The following MAP3K5 variants were observed in gnomAD, a reference collection of about 807,000 sequenced individuals.
The protein encoded by MAP3K5 is ASK-1.
Under a neutral mutation model 158.7 loss-of-function variants are expected in MAP3K5, and 56 were observed. The ratio of observed to expected loss-of-function variants is 0.35; its 90% CI spans 0.28 to 0.44. The LOEUF is 0.44. Among genes scored for constraint, MAP3K5 ranks in the 20% least tolerant of loss-of-function variants. MAP3K5 has a pLI of 1.00. For synonymous variants in MAP3K5, 579 were observed against 601.7 expected (o/e 0.96, Z 0.55); for missense variants, 1,294 against 1,674.8 (o/e 0.77, Z 3.97).
At chr6:136,746,080 T>C (rs1031365510) in intron 1 of MAP3K5, among the ~76,000 whole-genome samples, 1 of 152,166 alleles carries the variant, frequency 6.6e-6, no homozygotes, top group Admixed American at 6.5e-5. Context: ...ATGTTTGAAC[T>C]AGGATGGTGG....
At chr6:136,731,667 G>A (rs1475380229) in intron 1 of MAP3K5, among the ~76,000 whole-genome samples, 1 of 152,088 alleles carries the variant, frequency 6.6e-6, no homozygotes, top group East Asian at 1.9e-4. Flanking sequence ...GGGAGGTGAG[G>A]GACAAATTTT....
chr6:136,727,022 T>A (rs183531567), intron 1 of MAP3K5, among the ~76,000 whole-genome samples: 1 of 152,242 alleles, frequency 6.6e-6, no homozygotes, highest in Non-Finnish European at 1.5e-5. Context: ...AACACAGCAC[T>A]GTTTAAACAG....
At position 136,786,797 on chromosome 6, in the gene MAP3K5, CTTCTT is replaced by C. The variant is rs1447219904; in HGVS notation, c.448+4908_448+4912del. Among the ~76,000 whole-genome samples, 1,116 of 131,008 alleles carry C rather than the reference CTTCTT, an allele frequency of 8.5e-3. 13 individuals carry two copies. The highest frequency in any genetic ancestry group is 0.03 in the African/African-American group (1,055 of 34,998). The allele number at this position is 131,008 out of a possible 152,430, so 85.9% of individuals were successfully genotyped here. ...TAAAAATGTTACCAAACTTTAAGTT[CTTCTT>C]TTTTTTTTTTTTTTTTTTTTGAAAC... is the stretch of plus-strand genomic sequence containing the variant. On this transcript the variant is annotated intron_variant, in intron 1 of 29. Coordinates refer to ENST00000359015, the MANE Select transcript of MAP3K5 (RefSeq NM_005923.4).
At chr6:136,576,892 A>G (rs1226140588) in intron 25 of MAP3K5, among the ~76,000 whole-genome samples, 1 of 152,046 alleles carries the variant, frequency 6.6e-6, no homozygotes. Flanking sequence ...AATTGCCTAC[A>G]ATATTCAGTT....
intron 1 of MAP3K5, among the ~76,000 whole-genome samples, chr6:136,761,307 AC>A (rs1287264721): frequency 6.5e-4 from 98 of 151,116 alleles, no homozygotes; most frequent in African/African-American, 2.1e-3. Context: ...AAAAAAAAAA[AC>A]GAACAGTCAG....
At chr6:136,707,034 A>G (rs1254313401) in intron 2 of MAP3K5, among the ~76,000 whole-genome samples, 2 of 152,168 alleles carry the variant, frequency 1.3e-5, no homozygotes, top group African/African-American at 4.8e-5. Context: ...TCACATCTAT[A>G]GACCAAGCTA....
chr6:136,720,446 G>A lies in MAP3K5; in HGVS notation c.588+4C>T, dbSNP rs778990965. The stretch of plus-strand genomic sequence containing the variant: ...ATGAAACATTCAGTAAACAAGGGAG[G>A]TACCTTCAGTGACTGCAGAGAGTCC... On this transcript the variant is annotated splice_donor_region_variant and intron_variant, in intron 2 of 29. Coordinates refer to ENST00000359015, the MANE Select transcript of MAP3K5 (RefSeq NM_005923.4). The A allele has an allele frequency of 1.9e-6, 3 of 1,586,644 alleles. No homozygotes were observed. Among genetic ancestry groups the A allele is most frequent in the Non-Finnish European group, 2.6e-6 (3 of 1,168,338 alleles).
chr6:136,770,457 A>C (rs1784151461), intron 1 of MAP3K5, among the ~76,000 whole-genome samples: 2 of 152,246 alleles, frequency 1.3e-5, no homozygotes. Flanking sequence ...TATAAATTTC[A>C]CTTAGCCCAA....
chr6:136,619,540 A>G (rs1468080576), intron 15 of MAP3K5, among the ~76,000 whole-genome samples: 2 of 152,156 alleles, frequency 1.3e-5, no homozygotes, highest in African/African-American at 4.8e-5. Flanking sequence ...CCTTATCAAC[A>G]TTCCCCACCA....
At chr6:136,582,410 G>C (rs1049679930) in intron 24 of MAP3K5, among the ~76,000 whole-genome samples, 7 of 152,042 alleles carry the variant, frequency 4.6e-5, no homozygotes, top group Non-Finnish European at 7.3e-5. Flanking sequence ...CAAATGTGTG[G>C]GCAAGTGCAA....
At chr6:136,776,235 TTTTA>T (rs1370637453) in intron 1 of MAP3K5, among the ~76,000 whole-genome samples, 1 of 152,164 alleles carries the variant, frequency 6.6e-6, no homozygotes, top group African/African-American at 2.4e-5. Context: ...TGGGGTTGTC[TTTTA>T]TTTTTTATTT....
At chr6:136,589,778 G>A (rs1775303640) in intron 23 of MAP3K5, among the ~76,000 whole-genome samples, 1 of 152,168 alleles carries the variant, frequency 6.6e-6, no homozygotes, top group Admixed American at 6.5e-5. Context: ...CCATCTGCAA[G>A]CTAAGCAGAT....
intron 21 of MAP3K5, among the ~76,000 whole-genome samples, chr6:136,600,126 C>A (rs1358036665): frequency 1.3e-5 from 2 of 152,020 alleles, no homozygotes; most frequent in Non-Finnish European, 2.9e-5. Flanking sequence ...GAACATTAAG[C>A]CCCCTGAACT....
At chr6:136,636,370 T>G (rs1777635500) in intron 14 of MAP3K5, among the ~76,000 whole-genome samples, 1 of 152,090 alleles carries the variant, frequency 6.6e-6, no homozygotes, top group Non-Finnish European at 1.5e-5. Flanking sequence ...TATAAGAAAA[T>G]AAATGTCTAC....
intron 1 of MAP3K5, among the ~76,000 whole-genome samples, chr6:136,774,960 G>C (rs1784349835): frequency 6.6e-6 from 1 of 152,116 alleles, no homozygotes; most frequent in Non-Finnish European, 1.5e-5. Flanking sequence ...GTCATATCAC[G>C]TATGATGCAA....
Position 136,630,942 on chromosome 6 carries a change from G to C in MAP3K5, c.2016+6383C>G, listed in dbSNP as rs962310907. ...TGGTGAAACCCTGTCTCTATAAAAA[G>C]CACAAAAATTAGTCAGGCATGGTGG... On this transcript the variant is annotated intron_variant, in intron 14 of 29. Coordinates refer to ENST00000359015, the MANE Select transcript of MAP3K5 (RefSeq NM_005923.4). Among the ~76,000 whole-genome samples the C allele has an allele frequency of 2.6e-5, 4 of 152,126 alleles. No individual in the cohort carries two copies. In the East Asian group the frequency reaches 5.8e-4, roughly 22 times the overall value.
At chr6:136,729,758 T>C (rs6570091) in intron 1 of MAP3K5, among the ~76,000 whole-genome samples, 75,751 of 152,060 alleles carry the variant, frequency 0.5, 19,178 homozygotes, top group African/African-American at 0.58. Context: ...AATCTGTAGA[T>C]GGATGATAGA....
At chr6:136,743,159 A>G (rs1782782796) in intron 1 of MAP3K5, among the ~76,000 whole-genome samples, 1 of 152,150 alleles carries the variant, frequency 6.6e-6, no homozygotes, top group African/African-American at 2.4e-5. Flanking sequence ...AAATTAAAAC[A>G]TTAAGATACG....
chr6:136,741,751 A>G (rs1457337916), intron 1 of MAP3K5, among the ~76,000 whole-genome samples: 1 of 152,220 alleles, frequency 6.6e-6, no homozygotes, highest in East Asian at 1.9e-4. Flanking sequence ...AAGAGAATCA[A>G]CAATAACAAA....
Sources: allele counts gnomAD v4.1 joint callset (sites outside exome capture counted in the v4.1 genomes callset), GRCh38; gene constraint gnomAD v4.1.1; transcripts MANE v1.5; gene names NCBI Gene and HGNC (gene_info 2026-07-23, HGNC 2026-07-21).